The following TRDN variants were observed in gnomAD, a reference collection of about 807,000 sequenced individuals.
The protein encoded by TRDN is triadin in skeletal muscle.
TRDN carries 161 observed loss-of-function variants against 149.7 expected under a neutral mutation model. The ratio of observed to expected loss-of-function variants is 1.08; its 90% CI spans 0.95 to 1.23. The LOEUF (loss-of-function observed/expected upper bound fraction) is 1.23, where lower values mean the gene tolerates loss of function less well. Ranked by LOEUF, TRDN falls within the 50% of genes most tolerant of loss-of-function variation. TRDN has a pLI of 0.00. For missense variants in TRDN, 896 were observed against 823.5 expected, an observed-to-expected ratio of 1.09 and a Z score of -1.08; for synonymous variants, 294 against 250.5, an observed-to-expected ratio of 1.17 and a Z score of -1.64.
chr6:123,503,027 G>T (rs1057223320), intron 8 of TRDN: 17 of 985,208 alleles, frequency 1.7e-5, no homozygotes, highest in Non-Finnish European at 1.8e-5. Flanking sequence ...AAAAATTCAG[G>T]TTTATATGCC....
At chr6:123,517,479 C>G (rs146014676) in intron 5 of TRDN, among the ~76,000 whole-genome samples, 57 of 152,132 alleles carry the variant, frequency 3.7e-4, no homozygotes, top group African/African-American at 1.3e-3. Context: ...TTAGTGCCTC[C>G]TCACTGCTTA....
chr6:123,402,440 G>C (rs570429764), intron 12 of TRDN, among the ~76,000 whole-genome samples: 1 of 149,242 alleles, frequency 6.7e-6, no homozygotes, highest in Non-Finnish European at 1.5e-5. Flanking sequence ...ATCGTGCCAG[G>C]TTTATGCATC....
chr6:123,513,308 A>T (rs1202248257), intron 6 of TRDN, among the ~76,000 whole-genome samples: 1 of 152,238 alleles, frequency 6.6e-6, no homozygotes, highest in Non-Finnish European at 1.5e-5. Context: ...ATATCTCCTA[A>T]AAAGCAAACA....
At chr6:123,531,933 A>G (rs968037045) in intron 4 of TRDN, among the ~76,000 whole-genome samples, 1 of 152,052 alleles carries the variant, frequency 6.6e-6, no homozygotes, top group Non-Finnish European at 1.5e-5. Context: ...AGATGCCAGT[A>G]GCCCCCATAT....
intron 1 of TRDN, among the ~76,000 whole-genome samples, chr6:123,585,057 G>C (rs563430484): frequency 6.6e-4 from 100 of 151,802 alleles, no homozygotes; most frequent in African/African-American, 2.3e-3. Context: ...ATTGGAGTAA[G>C]GGTGATTAGG....
At chr6:123,517,272 A>G (rs1779457236) in intron 5 of TRDN, among the ~76,000 whole-genome samples, 1 of 152,184 alleles carries the variant, frequency 6.6e-6, no homozygotes, top group Admixed American at 6.6e-5. Flanking sequence ...GTAAGAGATT[A>G]GGAGGGAAAA....
At chr6:123,275,616 C>T (rs1433106802) in intron 26 of TRDN, among the ~76,000 whole-genome samples, 1 of 152,070 alleles carries the variant, frequency 6.6e-6, no homozygotes, top group Non-Finnish European at 1.5e-5. Context: ...AACATAGGTG[C>T]TGCTGAAACA....
At chr6:123,251,329 A>G (rs1248745447) in intron 38 of TRDN, among the ~76,000 whole-genome samples, 2 of 152,124 alleles carry the variant, frequency 1.3e-5, no homozygotes, top group Admixed American at 1.3e-4. Flanking sequence ...CACTGACTAC[A>G]TGGGGATTTG....
chr6:123,315,386 T>C (rs1392721365), intron 24 of TRDN, among the ~76,000 whole-genome samples: 2 of 151,940 alleles, frequency 1.3e-5, no homozygotes, highest in Non-Finnish European at 2.9e-5. Context: ...TTTAAAATTA[T>C]ATAAAATTAC....
chr6:123,556,798 G>A (rs1031883008), intron 2 of TRDN, among the ~76,000 whole-genome samples: 1 of 151,826 alleles, frequency 6.6e-6, no homozygotes, highest in African/African-American at 2.4e-5. Context: ...AAATGTCTAC[G>A]CCCTCACAAA....
intron 10 of TRDN, among the ~76,000 whole-genome samples, chr6:123,451,584 G>A (rs1356607708): frequency 6.6e-6 from 1 of 151,944 alleles, no homozygotes; most frequent in East Asian, 1.9e-4. Flanking sequence ...CCAATAACAA[G>A]CAGCAAGACT....
chr6:123,464,401 T>C lies in TRDN; in HGVS notation c.931+505A>G, dbSNP rs944561947. On this transcript the variant is annotated intron_variant, in intron 10 of 40. Coordinates refer to ENST00000334268, the MANE Select transcript of TRDN (RefSeq NM_006073.4). ...TTGTGTGTGTGTGAGTGTGTGTGTA[T>C]ATATATATTTCAATCCTCACAATAA... 5.2e-6 allele frequency: 5 copies of C among 970,050 alleles called. No homozygotes were observed. In the African/African-American group the frequency reaches 8.8e-5, roughly 17 times the overall value. The allele number at this position is 970,050 out of a possible 1,614,324, so 60.1% of individuals were successfully genotyped here.
At chr6:123,482,616 G>A (rs1777795465) in intron 9 of TRDN, among the ~76,000 whole-genome samples, 1 of 152,120 alleles carries the variant, frequency 6.6e-6, no homozygotes, top group South Asian at 2.1e-4. Flanking sequence ...TATAGAAAAT[G>A]GAAAAGGTCT....
intron 38 of TRDN, among the ~76,000 whole-genome samples, chr6:123,249,469 T>C (rs931037918): frequency 6.6e-6 from 1 of 152,108 alleles, no homozygotes; most frequent in African/African-American, 2.4e-5. Context: ...ATTAAAAAGA[T>C]ACCTGTACTT....
intron 1 of TRDN, among the ~76,000 whole-genome samples, chr6:123,572,111 C>T (rs1782610022): frequency 6.6e-6 from 1 of 152,050 alleles, no homozygotes; most frequent in Non-Finnish European, 1.5e-5. Context: ...CTTGACAATA[C>T]TATCAGTGAT....
chr6:123,551,645 T>G (rs1221165809), intron 2 of TRDN, among the ~76,000 whole-genome samples: 3 of 152,162 alleles, frequency 2.0e-5, no homozygotes, highest in Admixed American at 6.6e-5. Context: ...AATTCACATT[T>G]TCTTCTCAAT....
At chr6:123,435,603 CAAAT>C (rs34506667) in intron 12 of TRDN, among the ~76,000 whole-genome samples, 21,995 of 151,498 alleles carry the variant, frequency 0.15, 2,175 homozygotes, top group African/African-American at 0.29. Flanking sequence ...GGATTGTAAA[CAAAT>C]AAACTCTGCC....
chr6:123,273,204 A>G, intron 28 of TRDN, 133 bp downstream of exon 28: 2 of 831,880 alleles, frequency 2.4e-6, no homozygotes, highest in Non-Finnish European at 1.8e-6. Flanking sequence ...AATTTTTGAA[A>G]CTATAGTTTT....
intron 12 of TRDN, among the ~76,000 whole-genome samples, chr6:123,410,806 G>C (rs1051523151): frequency 1.5e-4 from 23 of 151,944 alleles, no homozygotes; most frequent in Non-Finnish European, 2.1e-4. Context: ...CTTTCCAAAG[G>C]TTGTAGCCTT....
Sources: gnomAD v4.1 joint callset for allele counts (sites outside exome capture counted in the v4.1 genomes callset) on GRCh38, gnomAD v4.1.1 for gene constraint, MANE v1.5 for transcripts, NCBI Gene and HGNC (gene_info 2026-07-23, HGNC 2026-07-21) for gene names.